Variants in KLHL1 observed in about 807,000 individuals in gnomAD.
KLHL1 encodes the protein kelch-like protein 1.
KLHL1 carries 47 observed loss-of-function variants against 77.7 expected under a neutral mutation model. The observed-to-expected ratio is 0.60, with a 90% CI of 0.48 to 0.77. KLHL1 has a LOEUF of 0.77. Ranked by LOEUF, KLHL1 falls within the 30% of genes least tolerant of loss-of-function variation. The pLI, the probability that KLHL1 is intolerant of heterozygous loss-of-function variation, is 0.00. For missense variants in KLHL1, 925 were observed against 910.8 expected, an observed-to-expected ratio of 1.02 and a Z score of -0.20; for synonymous variants, 360 against 325.2, an observed-to-expected ratio of 1.11 and a Z score of -1.15.
intron 4 of KLHL1, among the ~76,000 whole-genome samples, chr13:69,908,795 A>G (rs1414173706): frequency 6.6e-6 from 1 of 151,386 alleles, no homozygotes; most frequent in Non-Finnish European, 1.5e-5. Flanking sequence ...TTCCTTTTTT[A>G]TCAATATTTC....
At chr13:69,757,634 A>C (rs1388470150) in intron 7 of KLHL1, among the ~76,000 whole-genome samples, 3 of 152,138 alleles carry the variant, frequency 2.0e-5, no homozygotes. Flanking sequence ...CAAATAGGTT[A>C]AAGGTTTAAA....
At chr13:69,939,378 T>TATATATATATATATATATATATATACAC (rs1200160699) in intron 4 of KLHL1, among the ~76,000 whole-genome samples, 7 of 70,812 alleles carry the variant, frequency 9.9e-5, no homozygotes, top group South Asian at 4.6e-4. Context: ...TATATATATA[T>TATATATATATATATATATATATATACAC]ACACACACAC....
chr13:70,103,715 T>C (rs1307529102), intron 1 of KLHL1, among the ~76,000 whole-genome samples: 1 of 152,198 alleles, frequency 6.6e-6, no homozygotes, highest in Non-Finnish European at 1.5e-5. Flanking sequence ...AATGTGACCC[T>C]GGAATTCTGG....
At chr13:69,783,963 C>T (rs557362663) in intron 7 of KLHL1, among the ~76,000 whole-genome samples, 1 of 152,152 alleles carries the variant, frequency 6.6e-6, no homozygotes, top group Admixed American at 6.5e-5. Flanking sequence ...AAAGGGAAGC[C>T]CATCAGACTA....
intron 1 of KLHL1, among the ~76,000 whole-genome samples, chr13:70,055,917 C>T (rs1015461244): frequency 1.3e-5 from 2 of 151,874 alleles, no homozygotes; most frequent in African/African-American, 4.8e-5. Flanking sequence ...AAAAAGACCA[C>T]AAAACAACCA....
intron 8 of KLHL1, among the ~76,000 whole-genome samples, chr13:69,728,129 C>CT (rs148765113): frequency 0.053 from 7,972 of 151,826 alleles, 364 homozygotes; most frequent in African/African-American, 0.12. Flanking sequence ...ACAGCAATTT[C>CT]TTTTTTTTCT....
chr13:69,871,431 T>C (rs1566349112), intron 5 of KLHL1, among the ~76,000 whole-genome samples: 1 of 152,284 alleles, frequency 6.6e-6, no homozygotes, highest in Non-Finnish European at 1.5e-5. Flanking sequence ...CTAATTTCTC[T>C]AGTAAGCGAT....
At position 69,837,656 on chromosome 13, in the gene KLHL1, A is replaced by ATG. The variant is rs1555272487; in HGVS notation, c.1414+1318_1414+1319dup. The stretch of plus-strand genomic sequence containing the variant: ...TATATATATATATGTGTATATATAT[A>ATG]TGTGTGTGTGTGTGTATATATATAT... On this transcript the variant is annotated intron_variant, in intron 6 of 10. Transcript: ENST00000377844. Among the ~76,000 whole-genome samples the ATG allele has an allele frequency of 4.8e-3, 665 of 137,118 alleles. 35 individuals are homozygous for ATG. The highest frequency in any genetic ancestry group is 0.014 in the African/African-American group (477 of 34,714). 90.0% of individuals were successfully genotyped at this position (137,118 alleles called of 152,430 possible).
intron 5 of KLHL1, among the ~76,000 whole-genome samples, chr13:69,874,620 TA>T (rs1210608081): frequency 2.6e-5 from 4 of 152,136 alleles, no homozygotes; most frequent in African/African-American, 7.2e-5. Flanking sequence ...TATAGATGAA[TA>T]AAAAATGGAA....
At chr13:69,782,247 T>C (rs9572279) in intron 7 of KLHL1, among the ~76,000 whole-genome samples, 54,880 of 151,756 alleles carry the variant, frequency 0.36, 10,133 homozygotes, top group African/African-American at 0.43. Flanking sequence ...ACGCAGAAGA[T>C]GGGTGCTTTC....
chr13:69,882,114 G>A lies in KLHL1; in HGVS notation c.1227+169C>T, dbSNP rs115707281. On this transcript the variant is annotated intron_variant, in intron 5 of 10. Coordinates refer to ENST00000377844, the MANE Select transcript of KLHL1 (RefSeq NM_020866.3). ...CGGCAGAGATAGGATTTAGATCCACGATCCATCATCATACATCATTTTCCA... is the reference window on the plus strand; with the variant it reads ...CGGCAGAGATAGGATTTAGATCCACAATCCATCATCATACATCATTTTCCA... Among the ~76,000 whole-genome samples the A allele has an allele frequency of 1.8e-3, 269 of 152,256 alleles. 1 individual carries two copies. The highest frequency in any genetic ancestry group is 6.0e-3 in the African/African-American group (250 of 41,558).
intron 9 of KLHL1, among the ~76,000 whole-genome samples, chr13:69,710,917 G>T (rs76087147): frequency 6.6e-6 from 1 of 151,812 alleles, no homozygotes; most frequent in African/African-American, 2.4e-5. Context: ...TGTGAGCTCC[G>T]TATCAGAGAC....
At chr13:69,969,984 C>T (rs1242929239) in intron 2 of KLHL1, among the ~76,000 whole-genome samples, 1 of 151,862 alleles carries the variant, frequency 6.6e-6, no homozygotes, top group Non-Finnish European at 1.5e-5. Flanking sequence ...TATTGTTAAC[C>T]TCCCATTCCT....
chr13:69,770,238 G>A (rs1593812455), intron 7 of KLHL1, among the ~76,000 whole-genome samples: 2 of 152,172 alleles, frequency 1.3e-5, no homozygotes, highest in East Asian at 3.9e-4. Flanking sequence ...TCCAGATGTG[G>A]GCAAAGCCCA....
At chr13:69,707,946 T>C in intron 9 of KLHL1, 150 bp from the exon 10 acceptor site, 1 of 579,724 alleles carries the variant, frequency 1.7e-6, no homozygotes, top group South Asian at 3.0e-5. Context: ...TATTCTAGAA[T>C]GAACATCCAT....
intron 1 of KLHL1, among the ~76,000 whole-genome samples, chr13:70,031,869 T>A (rs1239614023): frequency 6.6e-6 from 1 of 152,142 alleles, no homozygotes; most frequent in Non-Finnish European, 1.5e-5. Flanking sequence ...GTTAACAAAA[T>A]GTAAACCTGA....
chr13:70,107,595 TC>T lies in KLHL1; in HGVS notation c.104del (p.Gly35GlufsTer31), dbSNP rs749011008. ...CACTGCCGTCCTGTTGCAGGCAGCC[TC>T]CCCCCGCCGGGCCGCCGGTGGAAGG... The part of the protein sequence containing the change: ...PSPSTGGPAG[G>X]GCLQQDGSGS... On this transcript the variant is annotated frameshift_variant, in exon 1 of 11. Coordinates refer to ENST00000377844, the MANE Select transcript of KLHL1 (RefSeq NM_020866.3). LOFTEE classifies it high-confidence loss of function. The T allele has an allele frequency of 8.1e-6, 13 of 1,596,476 alleles. No homozygotes were observed. Among genetic ancestry groups the T allele is most frequent in the South Asian group, 5.7e-5 (5 of 88,444 alleles).
rs1041271312 is a variant in KLHL1, at chr13:69,962,763, G to A, written c.681-1319C>T. Among the ~76,000 whole-genome samples, 3 of 124,614 alleles carry A rather than the reference G, an allele frequency of 2.4e-5. No homozygotes were observed. In the East Asian group the frequency reaches 7.0e-4, roughly 29 times the overall value. 81.8% of individuals were successfully genotyped at this position (124,614 alleles called of 152,430 possible). On this transcript the variant is annotated intron_variant, in intron 2 of 10. Transcript: ENST00000377844. ...TTATTTTCTTGTATTTTCCTGATCTGATTTTTAATCAAGGCTATAGTAGCC... is the reference window on the plus strand; with the variant it reads ...TTATTTTCTTGTATTTTCCTGATCTAATTTTTAATCAAGGCTATAGTAGCC...
At chr13:69,826,946 A>G (rs1878573389) in intron 6 of KLHL1, among the ~76,000 whole-genome samples, 1 of 151,748 alleles carries the variant, frequency 6.6e-6, no homozygotes, top group South Asian at 2.1e-4. Flanking sequence ...TAGACAAATG[A>G]ATTTTGTCTA....
Sources: allele counts gnomAD v4.1 joint callset (sites outside exome capture counted in the v4.1 genomes callset), GRCh38; gene constraint gnomAD v4.1.1; transcripts MANE v1.5; gene names NCBI Gene and HGNC (gene_info 2026-07-23, HGNC 2026-07-21).